Variants in MDFIC2 observed in about 807,000 individuals in gnomAD.
MDFIC2 encodes myoD family inhibitor domain-containing protein 2.
At chr3:70,281,205 A>G (rs1208903995) in intron 2 of MDFIC2, among the ~76,000 whole-genome samples, 2 of 152,140 alleles carry the variant, frequency 1.3e-5, no homozygotes, top group Non-Finnish European at 2.9e-5. Flanking sequence ...CAGAAGGATC[A>G]TATTAAAGTT....
intron 2 of MDFIC2, among the ~76,000 whole-genome samples, chr3:70,260,530 A>T (rs1701856151): frequency 6.6e-6 from 1 of 152,078 alleles, no homozygotes; most frequent in African/African-American, 2.4e-5. Context: ...GTCAAGGGCT[A>T]GGAGTCCCTA....
At chr3:70,208,749 C>A (rs968933200) in intron 2 of MDFIC2, among the ~76,000 whole-genome samples, 4 of 152,058 alleles carry the variant, frequency 2.6e-5, no homozygotes, top group Non-Finnish European at 5.9e-5. Context: ...TCCTAACTGG[C>A]ACCAGAACTA....
At chr3:70,299,086 T>C (rs12330468) in intron 2 of MDFIC2, among the ~76,000 whole-genome samples, 5 of 152,160 alleles carry the variant, frequency 3.3e-5, no homozygotes, top group African/African-American at 1.2e-4. Flanking sequence ...CATATCATAA[T>C]GAATTCCTTT....
At chr3:70,288,276 T>G (rs1376282383) in intron 2 of MDFIC2, among the ~76,000 whole-genome samples, 1 of 120,528 alleles carries the variant, frequency 8.3e-6, no homozygotes, top group African/African-American at 3.3e-5. Flanking sequence ...TCTCGTTGGT[T>G]TCAAAGAACA....
chr3:70,302,202 A>G (rs950875486), intron 2 of MDFIC2, among the ~76,000 whole-genome samples: 2 of 152,120 alleles, frequency 1.3e-5, no homozygotes, highest in Non-Finnish European at 2.9e-5. Flanking sequence ...GGTTGAAATG[A>G]TTTATGCCTG....
chr3:70,300,005 G>A (rs1190882891), intron 2 of MDFIC2, among the ~76,000 whole-genome samples: 4 of 151,980 alleles, frequency 2.6e-5, no homozygotes, highest in African/African-American at 9.7e-5. Context: ...CATACCTTGG[G>A]CCATCATATT....
intron 2 of MDFIC2, among the ~76,000 whole-genome samples, chr3:70,221,748 T>C (rs573261792): frequency 6.6e-6 from 1 of 152,284 alleles, no homozygotes; most frequent in African/African-American, 2.4e-5. Flanking sequence ...AATTTGGCTG[T>C]TGTCCCAATC....
At chr3:70,261,953 C>T (rs1701870860) in intron 2 of MDFIC2, among the ~76,000 whole-genome samples, 1 of 152,138 alleles carries the variant, frequency 6.6e-6, no homozygotes, top group South Asian at 2.1e-4. Flanking sequence ...TTGAACTCTG[C>T]CCTGCCAGCA....
At chr3:70,221,707 G>T (rs1270015862) in intron 2 of MDFIC2, among the ~76,000 whole-genome samples, 1 of 152,152 alleles carries the variant, frequency 6.6e-6, no homozygotes. Context: ...AGGGGAAAAA[G>T]GACAATGAGG....
intron 2 of MDFIC2, among the ~76,000 whole-genome samples, chr3:70,210,166 G>T (rs1701329489): frequency 6.6e-6 from 1 of 152,084 alleles, no homozygotes; most frequent in Admixed American, 6.6e-5. Context: ...AGTGGTATAT[G>T]ATTCTCTTTT....
intron 2 of MDFIC2, among the ~76,000 whole-genome samples, chr3:70,306,146 C>G (rs1010166492): frequency 6.6e-6 from 1 of 152,124 alleles, no homozygotes; most frequent in African/African-American, 2.4e-5. Flanking sequence ...CTCTCTTACT[C>G]AGGCTGGAGT....
intron 2 of MDFIC2, among the ~76,000 whole-genome samples, chr3:70,216,986 C>T (rs1236817872): frequency 6.6e-6 from 1 of 152,114 alleles, no homozygotes; most frequent in East Asian, 1.9e-4. Context: ...TTCAGAAATC[C>T]TTTAATCTCA....
At chr3:70,308,341 G>A (rs1313498264) in intron 2 of MDFIC2, among the ~76,000 whole-genome samples, 1 of 152,072 alleles carries the variant, frequency 6.6e-6, no homozygotes, top group Admixed American at 6.6e-5. Context: ...ATAGGCATGA[G>A]TCACTATGCT....
intron 2 of MDFIC2, among the ~76,000 whole-genome samples, chr3:70,280,947 C>A (rs912298492): frequency 6.6e-6 from 1 of 152,116 alleles, no homozygotes; most frequent in African/African-American, 2.4e-5. Flanking sequence ...TCATATCATA[C>A]CCTTTTTGTG....
chr3:70,260,876 T>TA (rs1220387518), intron 2 of MDFIC2, among the ~76,000 whole-genome samples: 1 of 152,146 alleles, frequency 6.6e-6, no homozygotes, highest in African/African-American at 2.4e-5. Flanking sequence ...TTAGAGAATG[T>TA]ACCATCTTTT....
chr3:70,267,217 G>T (rs143389829), intron 2 of MDFIC2, among the ~76,000 whole-genome samples: 4,648 of 152,074 alleles, frequency 0.031, 107 homozygotes, highest in Non-Finnish European at 0.048. Context: ...GACAGTAAAA[G>T]AAGTCTCATT....
chr3:70,272,886 A>G (rs1051061415), intron 2 of MDFIC2, among the ~76,000 whole-genome samples: 3 of 152,234 alleles, frequency 2.0e-5, no homozygotes, highest in Non-Finnish European at 4.4e-5. Context: ...AAATCACTGA[A>G]ACAAAATTCT....
intron 2 of MDFIC2, among the ~76,000 whole-genome samples, chr3:70,219,064 T>A (rs965516130): frequency 3.3e-5 from 5 of 152,172 alleles, no homozygotes; most frequent in Admixed American, 2.0e-4. Flanking sequence ...TTTAAAAAAA[T>A]TATTTCTAAA....
At chr3:70,302,144 T>C (rs1165371390) in intron 2 of MDFIC2, among the ~76,000 whole-genome samples, 1 of 152,192 alleles carries the variant, frequency 6.6e-6, no homozygotes, top group Non-Finnish European at 1.5e-5. Context: ...TTGCTTTTCA[T>C]CTTTGCTGCA....
Sources: allele counts gnomAD v4.1 joint callset (sites outside exome capture counted in the v4.1 genomes callset), GRCh38; gene constraint gnomAD v4.1.1; transcripts MANE v1.5; gene names NCBI Gene and HGNC (gene_info 2026-07-23, HGNC 2026-07-21).